The following CYRIB variants were observed in gnomAD, a reference collection of about 807,000 sequenced individuals.
The protein encoded by CYRIB is CYFIP related Rac1 interactor B.
A neutral mutation model predicts 44.2 loss-of-function variants in CYRIB; 8 were observed. That is an observed-to-expected ratio of 0.18 (90% CI 0.11 to 0.33). The LOEUF (loss-of-function observed/expected upper bound fraction) is 0.33. Ranked by LOEUF, CYRIB falls within the 10% of genes least tolerant of loss-of-function variation. The pLI, the probability that CYRIB is intolerant of heterozygous loss-of-function variation, is 1.00. For missense variants in CYRIB, 185 were observed against 382.8 expected (o/e 0.48, Z 4.31); for synonymous variants, 131 against 127.2 (o/e 1.03, Z -0.20).
At chr8:129,991,886 G>C (rs2096640705) in intron 1 of CYRIB, among the ~76,000 whole-genome samples, 1 of 132,488 alleles carries the variant, frequency 7.5e-6, no homozygotes, top group Non-Finnish European at 1.5e-5. Flanking sequence ...GGGAGGCGGA[G>C]ACTGCACTGA....
At chr8:129,960,001 C>T (rs1381432135) in intron 2 of CYRIB, among the ~76,000 whole-genome samples, 1 of 152,156 alleles carries the variant, frequency 6.6e-6, no homozygotes, top group Non-Finnish European at 1.5e-5. Context: ...GAAGACGGAG[C>T]CCTGACCTAT....
chr8:129,975,202 G>T (rs930235104), intron 1 of CYRIB, among the ~76,000 whole-genome samples: 9 of 150,620 alleles, frequency 6.0e-5, no homozygotes, highest in Non-Finnish European at 1.2e-4. Context: ...TTCTTGTAGA[G>T]ACAGGGTGTC....
intron 1 of CYRIB, among the ~76,000 whole-genome samples, chr8:129,975,121 C>T (rs1009783739): frequency 1.3e-5 from 2 of 152,018 alleles, no homozygotes; most frequent in African/African-American, 2.4e-5. Flanking sequence ...CCTCAGAATC[C>T]GCCCACCTCA....
At chr8:129,995,238 C>G (rs2133572331) in intron 1 of CYRIB, among the ~76,000 whole-genome samples, 1 of 152,322 alleles carries the variant, frequency 6.6e-6, no homozygotes, top group East Asian at 1.9e-4. Flanking sequence ...AGAATGGACT[C>G]AGGCTCCCAG....
At chr8:129,967,270 G>C (rs1449224664) in intron 2 of CYRIB, among the ~76,000 whole-genome samples, 1 of 152,118 alleles carries the variant, frequency 6.6e-6, no homozygotes, top group Non-Finnish European at 1.5e-5. Context: ...TGGTCATGGT[G>C]GAAGTATTTA....
chr8:129,891,914 T>A (rs1263705262), intron 2 of CYRIB, among the ~76,000 whole-genome samples: 2 of 152,178 alleles, frequency 1.3e-5, no homozygotes, highest in Admixed American at 1.3e-4. Flanking sequence ...TATAATAAAT[T>A]AGGAGACCAA....
At chr8:129,852,258 T>C in exon 8 of CYRIB, 1 of 1,571,534 alleles carries the variant, frequency 6.4e-7, no homozygotes, top group East Asian at 2.4e-5. Flanking sequence ...ATTCATTATT[T>C]ACTTCATTTT....
rs115175847 is a variant in CYRIB at position 129,939,225 on chromosome 8, G to A, written c.-50+383C>T. Among the ~76,000 whole-genome samples, 1,226 of 151,936 alleles carry A rather than the reference G, an allele frequency of 8.1e-3. 17 individuals carry two copies. Among genetic ancestry groups the A allele is most frequent in the African/African-American group, 0.028 (1,173 of 41,390 alleles). ...AAAGCGGCCGCGAAGAGGAAGGAGT[G>A]GTGGGAGCCAGGATTGGGGAGGGGG... On this transcript the variant is annotated intron_variant, in intron 1 of 11. Transcript: ENST00000519824.
At chr8:129,876,164 A>G (rs2133657382) in intron 3 of CYRIB, among the ~76,000 whole-genome samples, 1 of 152,052 alleles carries the variant, frequency 6.6e-6, no homozygotes, top group South Asian at 2.1e-4. Context: ...ACTCCCTGCC[A>G]TTTAAAGTTA....
intron 1 of CYRIB, among the ~76,000 whole-genome samples, chr8:129,986,328 C>A (rs1174540483): frequency 6.6e-6 from 1 of 152,194 alleles, no homozygotes; most frequent in African/African-American, 2.4e-5. Flanking sequence ...CCACACCTCC[C>A]TCCTCTAGGC....
intron 1 of CYRIB, among the ~76,000 whole-genome samples, chr8:130,006,594 T>TA (rs373029078): frequency 6.5e-5 from 1 of 15,322 alleles, no homozygotes; most frequent in African/African-American, 4.1e-4. Context: ...AAAACACAAA[T>TA]TATATATATA....
At chr8:129,904,915 C>T (rs991755845) in intron 1 of CYRIB, among the ~76,000 whole-genome samples, 1 of 152,174 alleles carries the variant, frequency 6.6e-6, no homozygotes, top group Non-Finnish European at 1.5e-5. Context: ...TAAATGTTAA[C>T]CAGGCAAATA....
chr8:129,907,448 G>T (rs1208672696), intron 1 of CYRIB, among the ~76,000 whole-genome samples: 1 of 152,052 alleles, frequency 6.6e-6, no homozygotes. Context: ...GCCTGTTATG[G>T]GGTGGGGGGA....
At chr8:129,854,389 A>C (rs1293595942) in intron 6 of CYRIB, 46 bp from the exon 9 acceptor site, 3 of 1,372,038 alleles carry the variant, frequency 2.2e-6, no homozygotes, top group Non-Finnish European at 3.0e-6. Context: ...ACTAAATGCT[A>C]ATGTAAAAAA....
chr8:129,848,014 C>T (rs990750904), intron 10 of CYRIB, among the ~76,000 whole-genome samples: 1 of 152,070 alleles, frequency 6.6e-6, no homozygotes, highest in Admixed American at 6.6e-5. Context: ...CCATGTTGGC[C>T]AGGCTGGTCT....
rs573421378 is a variant in CYRIB at position 129,917,707 on chromosome 8, A to C, written c.-49-14357T>G. Among the ~76,000 whole-genome samples the C allele has an allele frequency of 8.5e-5, 13 of 152,088 alleles. No individual in the cohort carries two copies. In the East Asian group the frequency reaches 2.3e-3, roughly 27 times the overall value. ...CCCCATCTCTACTAAAAATACAAAAATTCGCCGGGCATGGTGGCGCGTGCC... is the reference window on the plus strand; with the variant it reads ...CCCCATCTCTACTAAAAATACAAAACTTCGCCGGGCATGGTGGCGCGTGCC... On this transcript the variant is annotated intron_variant, in intron 1 of 11. Coordinates refer to ENST00000519824, the Ensembl canonical transcript of CYRIB.
intron 2 of CYRIB, among the ~76,000 whole-genome samples, chr8:129,970,195 C>A (rs918822145): frequency 1.3e-5 from 2 of 152,090 alleles, no homozygotes; most frequent in Admixed American, 6.6e-5. Flanking sequence ...TAAAAGCACG[C>A]CTACGTAGAA....
chr8:129,906,373 T>A (rs1589322993), intron 1 of CYRIB, among the ~76,000 whole-genome samples: 1 of 152,188 alleles, frequency 6.6e-6, no homozygotes, highest in Non-Finnish European at 1.5e-5. Flanking sequence ...ATTCAACAAA[T>A]GGTGCTGGGA....
Position 129,888,440 on chromosome 8 carries a change from C to T in CYRIB, c.-10-8969G>A, listed in dbSNP as rs193262873. On this transcript the variant is annotated intron_variant, in intron 2 of 11. Coordinates refer to ENST00000519824, the Ensembl canonical transcript of CYRIB. ...AAAACAGAGGTCCCACAAAATCTTA[C>T]ACAATCTGCTCCGACACACTCTGGC... Among the ~76,000 whole-genome samples, 10 of 152,310 alleles carry T rather than the reference C, an allele frequency of 6.6e-5. No homozygotes were observed. In the East Asian group the frequency reaches 1.9e-3, roughly 29 times the overall value.
Sources: gnomAD v4.1 joint callset for allele counts (sites outside exome capture counted in the v4.1 genomes callset) on GRCh38, gnomAD v4.1.1 for gene constraint, MANE v1.5 for transcripts, NCBI Gene and HGNC (gene_info 2026-07-23, HGNC 2026-07-21) for gene names.